WDR20: variants seen among roughly 807,000 people sequenced by gnomAD.
WDR20 encodes the protein WD repeat domain 20.
Under a neutral mutation model 38.7 loss-of-function variants are expected in WDR20, and 3 were observed. The ratio of observed to expected loss-of-function variants is 0.08; its 90% confidence interval spans 0.04 to 0.20. The LOEUF is 0.20. WDR20 is among the 10% of genes least tolerant of loss of function. The probability of loss-of-function intolerance (pLI) is 1.00; values close to 1 mark genes in which losing one functional copy is unlikely to be tolerated. For synonymous variants in WDR20, 298 were observed against 285.6 expected, an observed-to-expected ratio of 1.04 and a Z score of -0.44; for missense variants, 559 against 727.7, an observed-to-expected ratio of 0.77 and a Z score of 2.67.
At chr14:102,162,250 G>T (rs972640961) in intron 1 of WDR20, among the ~76,000 whole-genome samples, 3 of 152,150 alleles carry the variant, frequency 2.0e-5, no homozygotes, top group African/African-American at 7.2e-5. Context: ...ACTGGAATTG[G>T]CACATTGAGT....
chr14:102,191,001 A>C (rs1316751344), intron 1 of WDR20, among the ~76,000 whole-genome samples: 1 of 133,198 alleles, frequency 7.5e-6, no homozygotes, highest in African/African-American at 3.1e-5. Flanking sequence ...ACTCTATCTC[A>C]AAAAAAAAAA....
intron 1 of WDR20, among the ~76,000 whole-genome samples, chr14:102,180,079 G>A (rs2063051836): frequency 6.6e-6 from 1 of 152,188 alleles, no homozygotes; most frequent in Admixed American, 6.5e-5. Flanking sequence ...CTTGAACCCA[G>A]GAGATGGAGG....
rs139435673 is a variant in WDR20, at chr14:102,162,751, C to T, written c.249+22579C>T. ...ACAGTCTCCCAAACAGTTGTGACTA[C>T]AGGTGTGTATCACCATGCCCAGCTA... On this transcript the variant is annotated intron_variant, in intron 1 of 2. Coordinates refer to ENST00000342702, the MANE Select transcript of WDR20 (RefSeq NM_144574.4). 9.2e-5 allele frequency among the ~76,000 whole-genome samples: 14 copies of T among 152,242 alleles called. No individual in the cohort carries two copies. In the East Asian group the frequency reaches 2.1e-3, roughly 23 times the overall value.
At chr14:102,144,037 A>G (rs926478565) in intron 1 of WDR20, among the ~76,000 whole-genome samples, 2 of 151,724 alleles carry the variant, frequency 1.3e-5, no homozygotes, top group African/African-American at 4.8e-5. Context: ...AAAAAAAATT[A>G]GCTGGCCATG....
intron 2 of WDR20, 133 bp downstream of exon 2, chr14:102,195,253 C>G: frequency 1.1e-6 from 1 of 933,500 alleles, no homozygotes; most frequent in Non-Finnish European, 1.6e-6. Context: ...ACCTAGTATG[C>G]CCAAGTTTAA....
At chr14:102,164,704 T>G (rs983455552) in intron 1 of WDR20, among the ~76,000 whole-genome samples, 2 of 152,206 alleles carry the variant, frequency 1.3e-5, no homozygotes, top group African/African-American at 4.8e-5. Flanking sequence ...CTCAACTTTT[T>G]TTTATACATT....
downstream of WDR20, among the ~76,000 whole-genome samples, chr14:102,215,179 G>C (rs1479963428): frequency 6.6e-6 from 1 of 152,228 alleles, no homozygotes; most frequent in Non-Finnish European, 1.5e-5. Context: ...ATAGTTGGCA[G>C]CGTACTCGAT....
downstream of WDR20, chr14:102,213,529 A>G: frequency 1.0e-6 from 1 of 985,374 alleles, no homozygotes; most frequent in Non-Finnish European, 1.2e-6. Context: ...TCTTTTCTCA[A>G]AGGCGTTCAG....
chr14:102,165,038 C>A (rs2059488925), intron 1 of WDR20, among the ~76,000 whole-genome samples: 1 of 152,330 alleles, frequency 6.6e-6, no homozygotes, highest in African/African-American at 2.4e-5. Context: ...AGCTTAAGAT[C>A]TGCCTTCTTG....
At position 102,222,913 on chromosome 14, in the gene WDR20, G is replaced by C. The variant is rs369661256; in HGVS notation, c.*30G>C. On this transcript the variant is annotated 3_prime_UTR_variant, in exon 4 of 4. Coordinates refer to the WDR20 transcript ENST00000335263. The surrounding 1 kb of genome is among the most constrained non-coding windows in gnomAD (Gnocchi z 4.4). The stretch of plus-strand genomic sequence containing the variant: ...CTCACTGCTGCGCGCACAGTCTCCC[G>C]GGACTTGGACTCGAGGGAGTGACGA... The C allele has an allele frequency of 6.2e-7, 1 of 1,613,636 alleles. No homozygotes were observed.
intron 1 of WDR20, 27 bp from the exon 2 acceptor site, chr14:102,194,911 G>T (rs187897515): frequency 6.2e-7 from 1 of 1,609,174 alleles, no homozygotes; most frequent in African/African-American, 1.3e-5. Context: ...GCTGTTTACT[G>T]TATGTATTTT....
chr14:102,183,271 G>A (rs746996973), intron 1 of WDR20, among the ~76,000 whole-genome samples: 1 of 152,194 alleles, frequency 6.6e-6, no homozygotes, highest in Non-Finnish European at 1.5e-5. Flanking sequence ...TACCCAAATT[G>A]ATTTGAGGCT....
intron 1 of WDR20, among the ~76,000 whole-genome samples, chr14:102,172,715 C>A (rs1566908600): frequency 7.1e-6 from 1 of 141,314 alleles, no homozygotes; most frequent in Admixed American, 6.8e-5. Flanking sequence ...CGGGGGCTGA[C>A]CCCCACCTCC....
At position 102,195,541 on chromosome 14, in the gene WDR20, T is replaced by C. The variant is rs7142597; in HGVS notation, c.432+421T>C. 2.5e-4 allele frequency among the ~76,000 whole-genome samples: 38 copies of C among 152,364 alleles called. No homozygotes were observed. The South Asian group carries it at 4.6e-3, about 18-fold the overall frequency. On this transcript the variant is annotated intron_variant, in intron 2 of 2. Coordinates refer to ENST00000342702, the MANE Select transcript of WDR20 (RefSeq NM_144574.4). ...TAGCCAAAGCTTTTGTATGTATGTT[T>C]GACAGTCATTTGGCTAAGGAGTACT...
intron 1 of WDR20, among the ~76,000 whole-genome samples, chr14:102,157,090 C>G (rs2057596035): frequency 6.6e-6 from 1 of 151,712 alleles, no homozygotes; most frequent in Non-Finnish European, 1.5e-5. Flanking sequence ...TGTGAGACCC[C>G]CATCTCTGCA....
downstream of WDR20, among the ~76,000 whole-genome samples, chr14:102,212,091 C>T (rs1021810452): frequency 6.6e-6 from 1 of 152,118 alleles, no homozygotes; most frequent in Non-Finnish European, 1.5e-5. Context: ...TGATAGGAAC[C>T]AGGGGTGGGA....
intron 1 of WDR20, among the ~76,000 whole-genome samples, chr14:102,162,381 T>A (rs1410469082): frequency 6.6e-6 from 1 of 152,134 alleles, no homozygotes; most frequent in Non-Finnish European, 1.5e-5. Flanking sequence ...TTTGTTTGAA[T>A]CTCTGTTTAC....
rs768142659 is a variant in WDR20, at chr14:102,208,206, G to C, written c.433-397G>C. On this transcript the variant is annotated intron_variant, in intron 2 of 2. Transcript: ENST00000342702. This position sits in a 1 kb window ranked among gnomAD's most constrained non-coding sequence, Gnocchi z 5.6. Reference sequence around the variant, plus strand: ...GAGGACTCACAGGCTTCACCTGCAGGTCCTCGTAGAGGGGATACCACATGC... The same window carrying C: ...GAGGACTCACAGGCTTCACCTGCAGCTCCTCGTAGAGGGGATACCACATGC... Among the ~76,000 whole-genome samples the C allele has an allele frequency of 6.6e-6, 1 of 152,236 alleles. No individual in the cohort carries two copies. Among genetic ancestry groups the C allele is most frequent in the Non-Finnish European group, 1.5e-5 (1 of 68,048 alleles).
intron 1 of WDR20, among the ~76,000 whole-genome samples, chr14:102,173,475 TA>T (rs1186780948): frequency 2.3e-5 from 3 of 129,534 alleles, no homozygotes; most frequent in African/African-American, 1.1e-4. Flanking sequence ...TTATTATTAT[TA>T]TTATTTTTAT....
Sources: allele counts gnomAD v4.1 joint callset (sites outside exome capture counted in the v4.1 genomes callset), GRCh38; gene constraint gnomAD v4.1.1; non-coding constraint Gnocchi (gnomAD v3.1); transcripts MANE v1.5; gene names NCBI Gene and HGNC (gene_info 2026-07-23, HGNC 2026-07-21).